The following CAMTA1 variants were observed in gnomAD, a reference collection of about 807,000 sequenced individuals.
CAMTA1 encodes calmodulin-binding transcription activator 1.
A neutral mutation model predicts 170.9 loss-of-function variants in CAMTA1; 27 were observed. The observed-to-expected ratio is 0.16, with a 90% CI of 0.12 to 0.22. The LOEUF (loss-of-function observed/expected upper bound fraction) is 0.22. Among genes scored for constraint, CAMTA1 ranks in the 10% least tolerant of loss-of-function variants. CAMTA1 has a pLI of 1.00. For missense variants in CAMTA1, 1,619 were observed against 2,217.2 expected (o/e 0.73, Z 5.42); for synonymous variants, 833 against 891.5 (o/e 0.93, Z 1.17).
rs776410996 is a variant in CAMTA1 at position 7,532,844 on chromosome 1, C to T, written c.510+64943C>T. On this transcript the variant is annotated intron_variant, in intron 6 of 22. Transcript: ENST00000303635. The surrounding 1 kb of genome is among the most constrained non-coding windows in gnomAD (Gnocchi z 4.2). The stretch of plus-strand genomic sequence containing the variant: ...AGAGAAACAGGCCAGCAGGGCCCCA[C>T]GTGCTGAATGTCAAAGGGTGGAATG... Among the ~76,000 whole-genome samples the T allele has an allele frequency of 9.2e-5, 14 of 152,236 alleles. No individual in the cohort carries two copies. The highest frequency in any genetic ancestry group is 2.6e-4 in the Admixed American group (4 of 15,290).
At chr1:7,051,161 G>A (rs963998115) in intron 3 of CAMTA1, among the ~76,000 whole-genome samples, 2 of 152,192 alleles carry the variant, frequency 1.3e-5, no homozygotes, top group Non-Finnish European at 2.9e-5. Context: ...TTAGCGGAAG[G>A]TTGATACAGC....
rs1305253421 is a variant in CAMTA1 at position 7,010,923 on chromosome 1, C to A, written c.235-80381C>A. On this transcript the variant is annotated intron_variant, in intron 3 of 22. Transcript: ENST00000303635. The surrounding 1 kb of genome is among the most constrained non-coding windows in gnomAD (Gnocchi z 4.4). ...AACCAGCAGCAGCTGAGCACTGAGC[C>A]CTGGGAACACCTGTGCCCAGGTGCA... Among the ~76,000 whole-genome samples, 1 of 152,190 alleles carries A rather than the reference C, an allele frequency of 6.6e-6. No individual in the cohort carries two copies. Among genetic ancestry groups the A allele is most frequent in the Non-Finnish European group, 1.5e-5 (1 of 68,028 alleles).
chr1:6,803,616 ACTGAGTATGTTCTG>A (rs1380463799), intron 1 of CAMTA1, among the ~76,000 whole-genome samples: 1 of 152,266 alleles, frequency 6.6e-6, no homozygotes, highest in Non-Finnish European at 1.5e-5. Flanking sequence ...GAAAAGCAAT[ACTGAGTATGTTCTG>A]CTAAACAAAA....
chr1:7,468,190 G>A (rs1274142825), intron 6 of CAMTA1, among the ~76,000 whole-genome samples: 3 of 152,204 alleles, frequency 2.0e-5, no homozygotes. Flanking sequence ...GTTTTCTTTT[G>A]ATGAGGACAA....
rs574074910 is a variant in CAMTA1, at chr1:7,702,332, AAAACAAAC to A, written c.2914+24614_2914+24621del. 3.7e-4 allele frequency among the ~76,000 whole-genome samples: 57 copies of A among 152,250 alleles called. No individual in the cohort carries two copies. The South Asian group carries it at 4.3e-3, about 12-fold the overall frequency. On this transcript the variant is annotated intron_variant, in intron 11 of 22. Transcript: ENST00000303635. ...GCCAGGGCTGAAACTTGTGTCTGCC[AAAACAAAC>A]AAACAAACAAACAACAACAACAGGA...
At chr1:7,024,703 C>G (rs991506584) in intron 3 of CAMTA1, among the ~76,000 whole-genome samples, 3 of 152,154 alleles carry the variant, frequency 2.0e-5, no homozygotes, top group African/African-American at 7.2e-5. Context: ...GGGATCCCCT[C>G]GACAGGTGCT....
intron 1 of CAMTA1, among the ~76,000 whole-genome samples, chr1:6,810,315 G>A (rs1363445264): frequency 1.3e-5 from 2 of 152,144 alleles, no homozygotes; most frequent in East Asian, 1.9e-4. Context: ...TCAGCTTTTC[G>A]CCAGCTGTTG....
At chr1:6,990,811 A>ATATATT (rs1696249356) in intron 3 of CAMTA1, among the ~76,000 whole-genome samples, 2 of 150,314 alleles carry the variant, frequency 1.3e-5, no homozygotes, top group African/African-American at 4.9e-5. Flanking sequence ...CTCTCTATAT[A>ATATATT]TATATATATT....
chr1:7,309,375 C>A (rs1676105546), intron 5 of CAMTA1, among the ~76,000 whole-genome samples: 1 of 134,990 alleles, frequency 7.4e-6, no homozygotes, highest in Non-Finnish European at 1.5e-5. Flanking sequence ...TCTCAGCTCA[C>A]TGCAACTTCC....
At chr1:6,915,560 G>A in intron 3 of CAMTA1, among the ~76,000 whole-genome samples, 1 of 152,218 alleles carries the variant, frequency 6.6e-6, no homozygotes, top group East Asian at 1.9e-4. Context: ...GGTGGGAGCA[G>A]TGCAGCCTGA....
intron 5 of CAMTA1, among the ~76,000 whole-genome samples, chr1:7,360,727 G>A (rs1046000083): frequency 6.6e-6 from 1 of 152,202 alleles, no homozygotes; most frequent in Non-Finnish European, 1.5e-5. Context: ...GGCAGAGTGA[G>A]CAGGCTGTGC....
chr1:7,493,031 A>G (rs2093748744), intron 6 of CAMTA1, among the ~76,000 whole-genome samples: 1 of 150,448 alleles, frequency 6.6e-6, no homozygotes, highest in African/African-American at 2.5e-5. Flanking sequence ...ACATGCACGC[A>G]CACACAAACA....
Position 7,748,485 on chromosome 1 carries a change from C to T in CAMTA1, c.4689+704C>T, listed in dbSNP as rs568423831. 6.6e-6 allele frequency among the ~76,000 whole-genome samples: 1 copy of T among 152,258 alleles called. No homozygotes were observed. The highest frequency in any genetic ancestry group is 2.4e-5 in the African/African-American group (1 of 41,534). On this transcript the variant is annotated intron_variant, in intron 19 of 22. Coordinates refer to ENST00000303635, the MANE Select transcript of CAMTA1 (RefSeq NM_015215.4). The surrounding 1 kb of genome is among the most constrained non-coding windows in gnomAD (Gnocchi z 4.7). ...ATTTTTGATCTTTTAGTAATATTAC[C>T]TACCTGAGATACTGGTCTGATCCTA...
chr1:6,996,287 C>T (rs183946720), intron 3 of CAMTA1, among the ~76,000 whole-genome samples: 20 of 152,274 alleles, frequency 1.3e-4, no homozygotes, highest in African/African-American at 3.6e-4. Context: ...GTGAATGATA[C>T]GTTGCAGAGA....
chr1:7,578,827 A>T (rs1463750866), intron 6 of CAMTA1, among the ~76,000 whole-genome samples: 1 of 152,216 alleles, frequency 6.6e-6, no homozygotes, highest in Non-Finnish European at 1.5e-5. Flanking sequence ...GAATGCGTGT[A>T]TGGGGGCACA....
intron 5 of CAMTA1, among the ~76,000 whole-genome samples, chr1:7,424,439 G>A (rs2091762765): frequency 6.7e-6 from 1 of 149,718 alleles, no homozygotes; most frequent in Admixed American, 6.7e-5. Context: ...TTTTGGCCAC[G>A]CTGGGAGGAT....
At chr1:7,417,419 C>T (rs946834183) in intron 5 of CAMTA1, among the ~76,000 whole-genome samples, 3 of 152,244 alleles carry the variant, frequency 2.0e-5, no homozygotes, top group Non-Finnish European at 4.4e-5. Flanking sequence ...CTGTGGTGGG[C>T]TCCACCCAGT....
intron 6 of CAMTA1, among the ~76,000 whole-genome samples, chr1:7,484,093 A>G (rs1204354968): frequency 1.3e-5 from 2 of 152,194 alleles, no homozygotes; most frequent in East Asian, 3.9e-4. Flanking sequence ...TCACCAAGCA[A>G]GAGACATAAA....
intron 3 of CAMTA1, among the ~76,000 whole-genome samples, chr1:6,979,274 G>T (rs1289193200): frequency 2.0e-5 from 3 of 152,130 alleles, no homozygotes; most frequent in Non-Finnish European, 2.9e-5. Context: ...GGCACAGGGG[G>T]GCTTCCTAGG....
Sources: gnomAD v4.1 joint callset for allele counts (sites outside exome capture counted in the v4.1 genomes callset) on GRCh38, gnomAD v4.1.1 for gene constraint, Gnocchi (gnomAD v3.1) non-coding constraint, MANE v1.5 for transcripts, NCBI Gene and HGNC (gene_info 2026-07-23, HGNC 2026-07-21) for gene names.